The following ASCC3 variants were observed in gnomAD, a reference collection of about 807,000 sequenced individuals.
The protein encoded by ASCC3 is ASC-1 complex subunit P200.
ASCC3 carries 158 observed loss-of-function variants against 256.3 expected under a neutral mutation model. That is an observed-to-expected ratio of 0.62 (90% confidence interval 0.54 to 0.70). The LOEUF (loss-of-function observed/expected upper bound fraction) is 0.70, where lower values mean the gene tolerates loss of function less well. Ranked by LOEUF, ASCC3 falls within the 30% of genes least tolerant of loss-of-function variation. The probability of loss-of-function intolerance (pLI) is 0.00; values close to 1 mark genes in which losing one functional copy is unlikely to be tolerated. For missense variants in ASCC3, 2,259 were observed against 2,626.0 expected (o/e 0.86, Z 3.05); for synonymous variants, 948 against 883.4 (o/e 1.07, Z -1.30).
chr6:100,521,096 C>T (rs1243611414), intron 37 of ASCC3, among the ~76,000 whole-genome samples: 1 of 152,048 alleles, frequency 6.6e-6, no homozygotes, highest in Non-Finnish European at 1.5e-5. Context: ...CAACATTCTG[C>T]CTAAGTTATT....
intron 11 of ASCC3, 81 bp from the exon 12 acceptor site, chr6:100,718,332 ACTT>A: frequency 8.5e-7 from 1 of 1,173,300 alleles, no homozygotes; most frequent in Non-Finnish European, 1.2e-6. Context: ...TATTAATAGG[ACTT>A]CTAAAAACTC....
intron 36 of ASCC3, among the ~76,000 whole-genome samples, chr6:100,585,771 T>C (rs1016903843): frequency 3.3e-5 from 5 of 152,216 alleles, no homozygotes; most frequent in African/African-American, 1.2e-4. Context: ...ATGGATGTCC[T>C]TTCTGTTTGT....
chr6:100,627,295 G>A (rs2114857884), intron 29 of ASCC3, among the ~76,000 whole-genome samples: 1 of 152,070 alleles, frequency 6.6e-6, no homozygotes, highest in Non-Finnish European at 1.5e-5. Flanking sequence ...TTTCTCATCT[G>A]TCCAAGCTAC....
chr6:100,518,766 CA>C (rs1288055005), intron 37 of ASCC3, among the ~76,000 whole-genome samples: 1 of 152,044 alleles, frequency 6.6e-6, no homozygotes, highest in African/African-American at 2.4e-5. Context: ...TTGCTTAAGG[CA>C]AAACTAAACA....
chr6:100,685,916 G>A (rs1777547299), intron 13 of ASCC3, among the ~76,000 whole-genome samples: 1 of 152,176 alleles, frequency 6.6e-6, no homozygotes. Context: ...GCCAGCTGAA[G>A]ACACTCAAGT....
intron 15 of ASCC3, 78 bp from the exon 16 acceptor site, chr6:100,662,108 G>T: frequency 7.3e-7 from 1 of 1,372,124 alleles, no homozygotes; most frequent in Non-Finnish European, 1.0e-6. Flanking sequence ...CTGAAATTAG[G>T]CAAATATGGC....
intron 5 of ASCC3, among the ~76,000 whole-genome samples, chr6:100,801,620 A>T (rs1458973760): frequency 3.3e-5 from 5 of 152,044 alleles, no homozygotes; most frequent in Non-Finnish European, 7.4e-5. Flanking sequence ...AAAGGAAAAT[A>T]CGTCTCAAAA....
intron 2 of ASCC3, among the ~76,000 whole-genome samples, chr6:100,867,169 G>A (rs1318981009): frequency 6.6e-6 from 1 of 152,144 alleles, no homozygotes; most frequent in Non-Finnish European, 1.5e-5. Context: ...ATCTTCCAAA[G>A]TGATAATTGC....
chr6:100,878,285 TCTTA>T (rs1769088739), intron 1 of ASCC3, among the ~76,000 whole-genome samples: 1 of 152,186 alleles, frequency 6.6e-6, no homozygotes, highest in Admixed American at 6.5e-5. Context: ...TCTATGGGGC[TCTTA>T]TTCTCTAACT....
intron 5 of ASCC3, among the ~76,000 whole-genome samples, chr6:100,801,743 C>G (rs565476872): frequency 4.0e-5 from 6 of 151,644 alleles, no homozygotes; most frequent in African/African-American, 1.5e-4. Context: ...TACATACCTA[C>G]TATAATAACA....
intron 2 of ASCC3, among the ~76,000 whole-genome samples, 165 bp downstream of exon 2, chr6:100,867,743 A>T (rs1464261259): frequency 6.6e-6 from 1 of 152,216 alleles, no homozygotes; most frequent in Non-Finnish European, 1.5e-5. Context: ...AAACGTAAGT[A>T]TTACCATAGT....
chr6:100,607,062 TCTTA>T lies in ASCC3; in HGVS notation c.4808_4811del (p.Val1603GlufsTer7). 1 of 1,613,720 alleles carries T rather than the reference TCTTA, an allele frequency of 6.2e-7. No homozygotes were observed. The highest frequency in any genetic ancestry group is 8.5e-7 in the Non-Finnish European group (1 of 1,179,794). On this transcript the variant is annotated frameshift_variant, in exon 31 of 42. Coordinates refer to ENST00000369162, the MANE Select transcript of ASCC3 (RefSeq NM_006828.4). Reference sequence around the variant, plus strand: ...CAAGGGTCAGCTTGAGGTTGGAATCTCTTACTGTTGCAATGATGTTCTCCATCTG... The same window carrying T: ...CAAGGGTCAGCTTGAGGTTGGAATCTCTGTTGCAATGATGTTCTCCATCTG...
intron 10 of ASCC3, among the ~76,000 whole-genome samples, chr6:100,741,390 T>C (rs941155532): frequency 4.6e-5 from 7 of 152,132 alleles, no homozygotes; most frequent in Admixed American, 4.6e-4. Flanking sequence ...ATTATCTTAG[T>C]AGGGTTCTCT....
At chr6:100,734,210 G>A (rs2115055795) in intron 10 of ASCC3, among the ~76,000 whole-genome samples, 1 of 152,220 alleles carries the variant, frequency 6.6e-6, no homozygotes, top group Middle Eastern at 3.4e-3. Context: ...AAATTATGAA[G>A]GGGATTCTCA....
chr6:100,878,957 C>T (rs995658390), intron 1 of ASCC3, among the ~76,000 whole-genome samples: 3 of 152,166 alleles, frequency 2.0e-5, no homozygotes, highest in South Asian at 2.1e-4. Context: ...ACAAGACTGC[C>T]CACCACTTCT....
At position 100,651,622 on chromosome 6, in the gene ASCC3, G is replaced by A. The variant is rs374203183; in HGVS notation, c.3013C>T (p.His1005Tyr). 3.8e-6 allele frequency: 6 copies of A among 1,582,626 alleles called. No individual in the cohort carries two copies. The African/African-American group carries it at 8.1e-5, about 21-fold the overall frequency. ...GCAAAGATATCACCTTCTGTTTTGT[G>A]AGCATCAAAGAGTTCATTAAAGGTC... ...IETFNELFDA[H>Y]KTEGDIFAIV... The change falls in exon 19 of 42, where the codon CAC (histidine) becomes TAC (tyrosine). Residue 1005 changes from histidine to tyrosine, a missense_variant. His to Tyr is a moderately conservative substitution (Grantham distance 83). Coordinates refer to ENST00000369162, the MANE Select transcript of ASCC3 (RefSeq NM_006828.4).
Position 100,841,546 on chromosome 6 carries a change from A to C in ASCC3, c.801+6602T>G, listed in dbSNP as rs553345157. On this transcript the variant is annotated intron_variant, in intron 4 of 41. Coordinates refer to ENST00000369162, the MANE Select transcript of ASCC3 (RefSeq NM_006828.4). ...TTAGCAGTTCCTAAATTGGCAAAGC[A>C]ACTGGAAGTGTGACATCTTTGAAGA... Among the ~76,000 whole-genome samples the C allele has an allele frequency of 3.6e-4, 55 of 152,282 alleles. 1 individual carries two copies. Among genetic ancestry groups the C allele is most frequent in the Admixed American group, 2.0e-3 (30 of 15,296 alleles).
At position 100,601,869 on chromosome 6, in the gene ASCC3, T is replaced by C; in HGVS notation, c.5244A>G (p.Gln1748=). 6.2e-7 allele frequency: 1 copy of C among 1,612,644 alleles called. No individual in the cohort carries two copies. The highest frequency in any genetic ancestry group is 8.5e-7 in the Non-Finnish European group (1 of 1,178,948). ...TCCAGGTGATATAATCCAATGCATC[T>C]TGCTTAGATGTAATTGTACCACCAG... The part of the protein sequence containing the change: ...EIAGGTITSK[Q]DALDYITWTY... The change falls in exon 34 of 42, where the codon CAA becomes CAG. Residue 1748 remains glutamine, a synonymous_variant. Transcript: ENST00000369162.
At chr6:100,607,947 T>C (rs1474117004) in intron 30 of ASCC3, among the ~76,000 whole-genome samples, 2 of 148,148 alleles carry the variant, frequency 1.3e-5, no homozygotes, top group African/African-American at 4.9e-5. Context: ...TAGCCTTTTT[T>C]TTTCTAATTG....
Sources: gnomAD v4.1 joint callset for allele counts (sites outside exome capture counted in the v4.1 genomes callset) on GRCh38, gnomAD v4.1.1 for gene constraint, MANE v1.5 for transcripts, NCBI Gene and HGNC (gene_info 2026-07-23, HGNC 2026-07-21) for gene names.